Variants in CRIM1 observed in about 807,000 individuals in gnomAD.
The protein encoded by CRIM1 is cysteine rich transmembrane BMP regulator 1.
Under a neutral mutation model 116.4 loss-of-function variants are expected in CRIM1, and 32 were observed. That is an observed-to-expected ratio of 0.27 (90% CI 0.21 to 0.37). CRIM1 has a LOEUF of 0.37. CRIM1 is among the 10% of genes least tolerant of loss of function. The probability of loss-of-function intolerance (pLI) is 1.00; values close to 1 mark genes in which losing one functional copy is unlikely to be tolerated. For synonymous variants in CRIM1, 590 were observed against 509.2 expected, an observed-to-expected ratio of 1.16 and a Z score of -2.13; for missense variants, 1,331 against 1,354.8, an observed-to-expected ratio of 0.98 and a Z score of 0.28.
rs186762285 is a variant in CRIM1, at chr2:36,398,785, T to G, written c.505+1998T>G. Among the ~76,000 whole-genome samples the G allele has an allele frequency of 8.4e-4, 128 of 152,358 alleles. No homozygotes were observed. In the Middle Eastern group the frequency reaches 0.014, roughly 16 times the overall value. On this transcript the variant is annotated intron_variant, in intron 2 of 16. Transcript: ENST00000280527. ...AAGTCAGGATTAGGGGATTTCCCTT[T>G]TCTGAGAAGGAATTTTGAAGGAAAA...
At chr2:36,404,165 G>T (rs1672616758) in intron 2 of CRIM1, among the ~76,000 whole-genome samples, 1 of 152,118 alleles carries the variant, frequency 6.6e-6, no homozygotes, top group Admixed American at 6.6e-5. Flanking sequence ...AAATCCAAGG[G>T]TTGCTACTGT....
intron 15 of CRIM1, among the ~76,000 whole-genome samples, chr2:36,545,960 A>ATGAT (rs1328659768): frequency 6.6e-6 from 1 of 152,156 alleles, no homozygotes; most frequent in East Asian, 1.9e-4. Flanking sequence ...ACTGGCTAAA[A>ATGAT]TGATTAGGAA....
intron 7 of CRIM1, among the ~76,000 whole-genome samples, chr2:36,483,212 G>A (rs1437203791): frequency 2.0e-5 from 3 of 152,028 alleles, no homozygotes; most frequent in African/African-American, 7.3e-5. Flanking sequence ...CCTGTGAAGA[G>A]CTAGGGTGGA....
chr2:36,418,539 G>A (rs143234457), intron 2 of CRIM1, among the ~76,000 whole-genome samples: 6 of 152,048 alleles, frequency 3.9e-5, no homozygotes, highest in East Asian at 3.9e-4. Context: ...CACCCACCTC[G>A]GCCTCCCAAA....
chr2:36,427,637 A>ACTTCAT (rs1674561753), intron 2 of CRIM1, among the ~76,000 whole-genome samples: 1 of 152,178 alleles, frequency 6.6e-6, no homozygotes, highest in South Asian at 2.1e-4. Context: ...CTCTGGCTGG[A>ACTTCAT]CTTCATCTTC....
intron 1 of CRIM1, among the ~76,000 whole-genome samples, chr2:36,387,691 A>G (rs1012267969): frequency 6.6e-6 from 1 of 152,342 alleles, no homozygotes; most frequent in East Asian, 1.9e-4. Flanking sequence ...TCTAACTTTG[A>G]GTAACTTCCT....
At position 36,441,409 on chromosome 2, in the gene CRIM1, C is replaced by T. The variant is rs1013391547; in HGVS notation, c.657C>T (p.Arg219=). Residue 219 remains arginine, a synonymous_variant, in exon 3 of 17, where the codon CGC becomes CGT. Coordinates refer to ENST00000280527, the MANE Select transcript of CRIM1 (RefSeq NM_016441.3). ...RCVCNPAGCL[R]KVCQPGNLNI... The stretch of plus-strand genomic sequence containing the variant: ...TGTGCAACCCCGCAGGCTGTCTGCG[C>T]AAAGTCTGCCAGCCGGGAAACCTGA... The T allele has an allele frequency of 5.6e-6, 9 of 1,614,074 alleles. No homozygotes were observed. The Admixed American group carries it at 1.5e-4, about 27-fold the overall frequency.
intron 1 of CRIM1, among the ~76,000 whole-genome samples, chr2:36,380,602 A>G (rs1315948477): frequency 6.6e-6 from 1 of 152,222 alleles, no homozygotes; most frequent in Non-Finnish European, 1.5e-5. Context: ...GGACATAAAG[A>G]AAGTTTGGGA....
chr2:36,461,884 A>G (rs1435883026), intron 4 of CRIM1, among the ~76,000 whole-genome samples: 1 of 152,238 alleles, frequency 6.6e-6, no homozygotes, highest in African/African-American at 2.4e-5. Flanking sequence ...GCTACCCAAT[A>G]GATATCTGAC....
chr2:36,380,543 G>C (rs1301799819), intron 1 of CRIM1, among the ~76,000 whole-genome samples: 1 of 152,144 alleles, frequency 6.6e-6, no homozygotes, highest in Non-Finnish European at 1.5e-5. Flanking sequence ...GTGGGTTTGA[G>C]CGCAGAGTCT....
At chr2:36,546,068 A>G (rs998999985) in intron 15 of CRIM1, among the ~76,000 whole-genome samples, 1 of 152,192 alleles carries the variant, frequency 6.6e-6, no homozygotes, top group Non-Finnish European at 1.5e-5. Context: ...ACAGTGTTAC[A>G]TACCACAAAG....
At chr2:36,470,526 C>T (rs138309742) in intron 5 of CRIM1, among the ~76,000 whole-genome samples, 1 of 152,152 alleles carries the variant, frequency 6.6e-6, no homozygotes, top group Non-Finnish European at 1.5e-5. Context: ...TATGCTAAAT[C>T]TACTCTGCCT....
intron 7 of CRIM1, among the ~76,000 whole-genome samples, chr2:36,490,524 G>A (rs1036615063): frequency 1.3e-5 from 2 of 152,028 alleles, no homozygotes; most frequent in African/African-American, 4.8e-5. Flanking sequence ...GATCATTGTG[G>A]CTTAGATTCA....
chr2:36,420,985 G>A (rs1674016206), intron 2 of CRIM1, among the ~76,000 whole-genome samples: 3 of 152,164 alleles, frequency 2.0e-5, no homozygotes, highest in African/African-American at 7.2e-5. Context: ...AAACCCCGTG[G>A]TGTTTAACAT....
At chr2:36,400,533 T>C (rs1346111523) in intron 2 of CRIM1, among the ~76,000 whole-genome samples, 1 of 152,168 alleles carries the variant, frequency 6.6e-6, no homozygotes, top group South Asian at 2.1e-4. Flanking sequence ...GAAAGTTTTA[T>C]TTTTTAAAGG....
At chr2:36,367,172 T>A (rs952122114) in intron 1 of CRIM1, among the ~76,000 whole-genome samples, 4 of 152,218 alleles carry the variant, frequency 2.6e-5, no homozygotes, top group Admixed American at 2.6e-4. Flanking sequence ...AGAATGGGTA[T>A]ACTGTGTGCT....
chr2:36,488,753 A>C (rs1680015605), intron 7 of CRIM1, among the ~76,000 whole-genome samples: 1 of 152,154 alleles, frequency 6.6e-6, no homozygotes, highest in Non-Finnish European at 1.5e-5. Flanking sequence ...ACCATTTGAG[A>C]TCACAGAATT....
At chr2:36,420,554 A>T (rs1369449868) in intron 2 of CRIM1, among the ~76,000 whole-genome samples, 1 of 152,196 alleles carries the variant, frequency 6.6e-6, no homozygotes, top group Non-Finnish European at 1.5e-5. Context: ...TTCTCTTGCC[A>T]TATGTACGGG....
At chr2:36,445,718 G>A (rs1198760658) in intron 4 of CRIM1, among the ~76,000 whole-genome samples, 1 of 152,074 alleles carries the variant, frequency 6.6e-6, no homozygotes. Flanking sequence ...GCTTACTAAG[G>A]AGGGTGATGG....
Sources: allele counts gnomAD v4.1 joint callset (sites outside exome capture counted in the v4.1 genomes callset), GRCh38; gene constraint gnomAD v4.1.1; transcripts MANE v1.5; gene names NCBI Gene and HGNC (gene_info 2026-07-23, HGNC 2026-07-21).